The following GYS2 variants were observed in gnomAD, a reference collection of about 807,000 sequenced individuals.
GYS2 encodes glycogen [starch] synthase, liver.
A neutral mutation model predicts 85.6 loss-of-function variants in GYS2; 80 were observed. That is an observed-to-expected ratio of 0.93 (90% CI 0.78 to 1.13). The LOEUF (loss-of-function observed/expected upper bound fraction) is 1.13. Among genes scored for constraint, GYS2 ranks in the 50% most tolerant of loss-of-function variants. The pLI, the probability that GYS2 is intolerant of heterozygous loss-of-function variation, is 0.00. For synonymous variants in GYS2, 328 were observed against 300.7 expected, an observed-to-expected ratio of 1.09 and a Z score of -0.94; for missense variants, 881 against 854.9, an observed-to-expected ratio of 1.03 and a Z score of -0.38.
intron 1 of GYS2, among the ~76,000 whole-genome samples, chr12:21,594,220 A>G (rs893836824): frequency 2.0e-5 from 3 of 152,130 alleles, no homozygotes; most frequent in African/African-American, 4.8e-5. Flanking sequence ...CATCACTCCT[A>G]TTCAATATAA....
chr12:21,562,821 T>C (rs1944271144), intron 7 of GYS2, 97 bp downstream of exon 7: 1 of 1,328,020 alleles, frequency 7.5e-7, no homozygotes, highest in Non-Finnish European at 1.1e-6. Flanking sequence ...TCGTTTATTC[T>C]CTTGAAAACT....
intron 1 of GYS2, among the ~76,000 whole-genome samples, chr12:21,596,628 C>T (rs927200216): frequency 6.6e-6 from 1 of 152,098 alleles, no homozygotes; most frequent in African/African-American, 2.4e-5. Context: ...CTGTGACAAA[C>T]CCACAGCCAA....
intron 14 of GYS2, among the ~76,000 whole-genome samples, chr12:21,539,752 C>A (rs1943950724): frequency 6.6e-6 from 1 of 152,174 alleles, no homozygotes; most frequent in African/African-American, 2.4e-5. Flanking sequence ...TATCTATCTT[C>A]ATTGCAAGAT....
At chr12:21,603,614 C>T (rs760037693) in intron 1 of GYS2, among the ~76,000 whole-genome samples, 2 of 152,052 alleles carry the variant, frequency 1.3e-5, no homozygotes, top group Non-Finnish European at 2.9e-5. Flanking sequence ...GTTTAAATCA[C>T]ACAAGTCATC....
chr12:21,558,279 ATGT>A lies in GYS2; in HGVS notation c.1340_1342del (p.Asn447del), dbSNP rs1480833580. Reference sequence around the variant, plus strand: ...GATGGGGTCGGTGGAGTCATCAATCATGTTGTGCGTGGTCACTGGGGGCAATGA... The same window carrying A: ...GATGGGGTCGGTGGAGTCATCAATCATGTGCGTGGTCACTGGGGGCAATGA... On this transcript the variant is annotated inframe_deletion, in exon 11 of 16. Coordinates refer to ENST00000261195, the MANE Select transcript of GYS2 (RefSeq NM_021957.4). 1.9e-6 allele frequency: 3 copies of A among 1,613,848 alleles called. No homozygotes were observed. The highest frequency in any genetic ancestry group is 2.5e-6 in the Non-Finnish European group (3 of 1,179,758).
At position 21,563,303 on chromosome 12, in the gene GYS2, G is replaced by A. The variant is rs1369509709; in HGVS notation, c.866C>T (p.Ala289Val). 1 of 1,611,428 alleles carries A rather than the reference G, an allele frequency of 6.2e-7. No homozygotes were observed. The change falls in exon 6 of 16, where the codon GCA becomes GTA. Residue 289 changes from alanine to valine, a missense_variant. Coordinates refer to ENST00000261195, the MANE Select transcript of GYS2 (RefSeq NM_021957.4). ...PNGLNVKKFS[A>V]VHEFQNLHAM... ...ATGTAGATTTTGAAACTCATGCACTGCTGAAAATTTCTTAACATTCAAGCC... is the reference window on the plus strand; with the variant it reads ...ATGTAGATTTTGAAACTCATGCACTACTGAAAATTTCTTAACATTCAAGCC...
At chr12:21,570,322 T>A (rs1944371218) in intron 4 of GYS2, among the ~76,000 whole-genome samples, 1 of 152,210 alleles carries the variant, frequency 6.6e-6, no homozygotes, top group Non-Finnish European at 1.5e-5. Context: ...ATCTATTAAC[T>A]TTAAGAAACT....
intron 5 of GYS2, among the ~76,000 whole-genome samples, chr12:21,565,302 C>A (rs1356125863): frequency 6.7e-6 from 1 of 149,280 alleles, no homozygotes; most frequent in Non-Finnish European, 1.5e-5. Flanking sequence ...TGTAAATATT[C>A]CCATCATGAC....
At chr12:21,534,984 T>G (rs1721396236), downstream of GYS2, 1 of 152,308 alleles carries the variant, frequency 6.6e-6, no homozygotes. Flanking sequence ...CACCAGCTTT[T>G]GTCGGTCTTG....
intron 1 of GYS2, among the ~76,000 whole-genome samples, chr12:21,585,433 C>T (rs1944561476): frequency 6.6e-6 from 1 of 152,108 alleles, no homozygotes; most frequent in Middle Eastern, 3.4e-3. Context: ...GAAGCGTATG[C>T]ATGGAATATA....
rs117362709 is a variant in GYS2 at position 21,577,966 on chromosome 12, C to T, written c.304-1909G>A. Among the ~76,000 whole-genome samples, 933 of 152,300 alleles carry T rather than the reference C, an allele frequency of 6.1e-3. 5 individuals are homozygous for T. Among genetic ancestry groups the T allele is most frequent in the Admixed American group, 9.2e-3 (141 of 15,284 alleles). ...AAGTCCAGATTTTTTATCCTGCACA[C>T]TTAACCTCATGGTTACTTGACCTTA... On this transcript the variant is annotated intron_variant, in intron 2 of 15. Coordinates refer to ENST00000261195, the MANE Select transcript of GYS2 (RefSeq NM_021957.4).
At chr12:21,575,301 C>G (rs1404312890) in intron 3 of GYS2, among the ~76,000 whole-genome samples, 4 of 152,180 alleles carry the variant, frequency 2.6e-5, no homozygotes, top group Non-Finnish European at 5.9e-5. Context: ...GCATCCGTAT[C>G]TTTGCCTTAC....
At chr12:21,594,126 A>T (rs1944669930) in intron 1 of GYS2, among the ~76,000 whole-genome samples, 1 of 152,184 alleles carries the variant, frequency 6.6e-6, no homozygotes, top group Admixed American at 6.5e-5. Context: ...ATATATGACA[A>T]ACCCACAGCT....
chr12:21,554,669 G>A (rs1944156328), intron 11 of GYS2, among the ~76,000 whole-genome samples: 1 of 152,160 alleles, frequency 6.6e-6, no homozygotes, highest in Non-Finnish European at 1.5e-5. Context: ...GTAGAGGAAT[G>A]TGTGTTAGGG....
chr12:21,549,912 C>G (rs1600123), intron 11 of GYS2, among the ~76,000 whole-genome samples: 109,031 of 152,018 alleles, frequency 0.72, 39,937 homozygotes, highest in South Asian at 0.8. Context: ...GCAGTTATTT[C>G]GAAGCTGTGT....
At chr12:21,548,403 T>G (rs1194981149) in intron 11 of GYS2, among the ~76,000 whole-genome samples, 1 of 152,154 alleles carries the variant, frequency 6.6e-6, no homozygotes, top group Non-Finnish European at 1.5e-5. Context: ...CACATCATTA[T>G]AAAGCATTTG....
chr12:21,582,640 T>G (rs916481881), intron 1 of GYS2, among the ~76,000 whole-genome samples: 3 of 144,240 alleles, frequency 2.1e-5, no homozygotes, highest in African/African-American at 5.5e-5. Flanking sequence ...TATAGATATA[T>G]ATCTCCTATT....
chr12:21,554,430 C>G (rs546334791), intron 11 of GYS2, among the ~76,000 whole-genome samples: 2 of 152,296 alleles, frequency 1.3e-5, no homozygotes, highest in East Asian at 3.9e-4. Context: ...ACAGGGCTTT[C>G]TCTAATTAGT....
At chr12:21,585,123 G>C (rs1944558100) in intron 1 of GYS2, among the ~76,000 whole-genome samples, 2 of 152,168 alleles carry the variant, frequency 1.3e-5, no homozygotes, top group South Asian at 2.1e-4. Context: ...GGTGGAAGTG[G>C]AAGTGGAAGT....
Sources: gnomAD v4.1 joint callset for allele counts (sites outside exome capture counted in the v4.1 genomes callset) on GRCh38, gnomAD v4.1.1 for gene constraint, MANE v1.5 for transcripts, NCBI Gene and HGNC (gene_info 2026-07-23, HGNC 2026-07-21) for gene names.